The following GART variants were observed in gnomAD, a reference collection of about 807,000 sequenced individuals.
GART encodes the protein phosphoribosylglycinamide formyltransferase, phosphoribosylglycinamide synthetase, phosphoribosylaminoimidazole synthetase.
GART carries 43 observed loss-of-function variants against 107.2 expected under a neutral mutation model. The ratio of observed to expected loss-of-function variants is 0.40; its 90% CI spans 0.31 to 0.52. GART has a LOEUF of 0.52. GART is among the 20% of genes least tolerant of loss of function. The probability of loss-of-function intolerance (pLI) is 0.52; values close to 1 mark genes in which losing one functional copy is unlikely to be tolerated. For missense variants in GART, 1,107 were observed against 1,206.5 expected, an observed-to-expected ratio of 0.92 and a Z score of 1.22; for synonymous variants, 434 against 427.0, an observed-to-expected ratio of 1.02 and a Z score of -0.20.
intron 14 of GART, chr21:33,518,689 C>A: frequency 2.3e-6 from 1 of 440,246 alleles, no homozygotes; most frequent in South Asian, 1.7e-5. Context: ...TTGCCTCATT[C>A]TTAATAGCCT....
intron 11 of GART, 143 bp downstream of exon 11, chr21:33,524,626 C>A: frequency 7.0e-7 from 1 of 1,426,666 alleles, no homozygotes; most frequent in Non-Finnish European, 9.2e-7. Context: ...AGTTTTGATT[C>A]AAACAAAATA....
chr21:33,523,579 T>A (rs1392863009), intron 11 of GART, among the ~76,000 whole-genome samples: 1 of 152,188 alleles, frequency 6.6e-6, no homozygotes, highest in East Asian at 1.9e-4. Flanking sequence ...TTGGTAACAG[T>A]ATAGCTTGAA....
chr21:33,518,574 A>C (rs1038707575), intron 14 of GART: 3 of 289,940 alleles, frequency 1.0e-5, no homozygotes, highest in African/African-American at 6.6e-5. Flanking sequence ...TAGAGATCTA[A>C]ATTTTATCAG....
intron 11 of GART, 35 bp downstream of exon 11, chr21:33,524,734 A>T (rs1193953844): frequency 9.9e-6 from 16 of 1,613,458 alleles, no homozygotes; most frequent in Non-Finnish European, 1.4e-5. Context: ...CCAGTTTCTG[A>T]AATGGCACTA....
intron 16 of GART, among the ~76,000 whole-genome samples, chr21:33,513,720 G>A (rs2084830389): frequency 6.6e-6 from 1 of 152,138 alleles, no homozygotes; most frequent in African/African-American, 2.4e-5. Context: ...ATAGTTAAAA[G>A]TAAATAGCAA....
chr21:33,522,512 A>T (rs2084991672), intron 11 of GART, among the ~76,000 whole-genome samples: 1 of 152,230 alleles, frequency 6.6e-6, no homozygotes, highest in Non-Finnish European at 1.5e-5. Flanking sequence ...TGACTTGATT[A>T]CATCATCCCT....
At chr21:33,517,255 G>A in intron 15 of GART, 102 bp downstream of exon 15, 1 of 1,563,520 alleles carries the variant, frequency 6.4e-7, no homozygotes, top group Non-Finnish European at 8.7e-7. Flanking sequence ...AGCAAACCAA[G>A]GTAATTCATT....
At position 33,531,222 on chromosome 21, in the gene GART, A is replaced by C; in HGVS notation, c.597+267T>G. 6.9e-6 allele frequency: 3 copies of C among 432,772 alleles called. No individual in the cohort carries two copies. In the Admixed American group the frequency reaches 1.2e-4, roughly 17 times the overall value. The allele number at this position is 432,772 out of a possible 1,614,324, so 26.8% of individuals were successfully genotyped here. ...TATTGTGCAATAAACTGTATATGAA[A>C]GAAAAAGCATGAATGCTTGAATTAA... On this transcript the variant is annotated intron_variant, in intron 6 of 21. Coordinates refer to ENST00000381815, the MANE Select transcript of GART (RefSeq NM_000819.5).
In GART at chr21:33,535,319, G is replaced by T; in HGVS notation, c.147C>A (p.Ala49=). Residue 49 remains alanine, a splice_region_variant and synonymous_variant, in exon 3 of 22, where the codon GCC becomes GCA. Transcript: ENST00000381815. ...GGGCAGTGTGGTCACTGATTGAGAT[G>T]GCTGTAAACAGAAAAAAAAAAAAAA... is the stretch of plus-strand genomic sequence containing the variant. ...TACSEKISNT[A]ISISDHTALA... is the part of the protein sequence containing the mutation. 1.5e-6 allele frequency: 2 copies of T among 1,299,178 alleles called. No individual in the cohort carries two copies. The highest frequency in any genetic ancestry group is 2.1e-6 in the Non-Finnish European group (2 of 952,616). 80.5% of individuals were successfully genotyped at this position (1,299,178 alleles called of 1,614,324 possible).
intron 14 of GART, chr21:33,518,959 C>A: frequency 2.4e-6 from 1 of 415,676 alleles, no homozygotes; most frequent in South Asian, 1.9e-5. Flanking sequence ...GATCTCTGGT[C>A]TTCATTTGTA....
rs527893106 is a variant in GART at position 33,516,458 on chromosome 21, TCA to T, written c.2107+529_2107+530del. Reference sequence around the variant, plus strand: ...TCTTCAGCATGACTTCAACTTCTGCTCACAGTCACCTTGGAATAAACACACTG... The same window carrying T: ...TCTTCAGCATGACTTCAACTTCTGCTCAGTCACCTTGGAATAAACACACTG... On this transcript the variant is annotated intron_variant, in intron 16 of 21. Transcript: ENST00000381815. 7.4e-4 allele frequency among the ~76,000 whole-genome samples: 113 copies of T among 152,294 alleles called. 1 individual carries two copies. The South Asian group carries it at 0.017, about 23-fold the overall frequency.
chr21:33,509,724 G>A (rs775566209), intron 18 of GART, 59 bp downstream of exon 18: 21 of 1,563,490 alleles, frequency 1.3e-5, no homozygotes, highest in East Asian at 2.2e-5. Context: ...TCACAAGAGT[G>A]CGGGGAGGAA....
intron 10 of GART, among the ~76,000 whole-genome samples, chr21:33,525,437 GTCT>G (rs1308125185): frequency 1.3e-4 from 20 of 152,056 alleles, no homozygotes; most frequent in Non-Finnish European, 2.1e-4. Context: ...TATCAGACAG[GTCT>G]TCTTTTATTT....
chr21:33,534,799 G>A, intron 3 of GART, 46 bp from the exon 4 acceptor site: 1 of 1,493,232 alleles, frequency 6.7e-7, no homozygotes, highest in Non-Finnish European at 8.9e-7. Context: ...GTCTCCCCAG[G>A]GGCTTTTCAG....
chr21:33,509,157 G>T (rs1390703361), intron 18 of GART: 2 of 152,222 alleles, frequency 1.3e-5, no homozygotes, highest in Non-Finnish European at 2.9e-5. Context: ...TAATAAGGCG[G>T]AAGGATTGCT....
In GART at chr21:33,511,286, G is replaced by C. The variant is rs2084780444; in HGVS notation, c.2280C>G (p.Ala760=). 6.2e-7 allele frequency: 1 copy of C among 1,614,038 alleles called. No individual in the cohort carries two copies. Among genetic ancestry groups the C allele is most frequent in the African/African-American group, 1.3e-5 (1 of 74,912 alleles). ...GTGCAACCACACTGCCAATCACCCA[G>C]GCTTCTTCCTTGTGCTGCTGGATAT... The part of the protein sequence containing the change: ...LRDIQQHKEE[A]WVIGSVVARA... Residue 760 remains alanine, a synonymous_variant, in exon 17 of 22, where the codon GCC becomes GCG. Coordinates refer to ENST00000381815, the MANE Select transcript of GART (RefSeq NM_000819.5).
At position 33,517,567 on chromosome 21, in the gene GART, C is replaced by T. The variant is rs750734009; in HGVS notation, c.1744G>A (p.Glu582Lys). Residue 582 changes from glutamate to lysine, a missense_variant, in exon 15 of 22, where the codon GAG (glutamate) becomes AAG (lysine). Glu to Lys is a moderately conservative substitution (Grantham distance 56). Coordinates refer to ENST00000381815, the MANE Select transcript of GART (RefSeq NM_000819.5). ...AEMPDMYPPG[E>K]YDLAGFAVGA... ...ACGGCAAACCCAGCTAGGTCATACTCTCCAGGGGGATACATGTCAGGCATT... is the reference window on the plus strand; with the variant it reads ...ACGGCAAACCCAGCTAGGTCATACTTTCCAGGGGGATACATGTCAGGCATT... 6.2e-7 allele frequency: 1 copy of T among 1,614,246 alleles called. No individual in the cohort carries two copies. The highest frequency in any genetic ancestry group is 8.5e-7 in the Non-Finnish European group (1 of 1,180,042).
chr21:33,516,073 C>T (rs2084872364), intron 16 of GART, among the ~76,000 whole-genome samples: 2 of 151,680 alleles, frequency 1.3e-5, no homozygotes, highest in Admixed American at 1.3e-4. Context: ...CAAGGTGAAA[C>T]CCTGTCTCTA....
intron 7 of GART, among the ~76,000 whole-genome samples, chr21:33,529,184 GA>G (rs1555893585): frequency 6.6e-6 from 1 of 152,040 alleles, no homozygotes; most frequent in Non-Finnish European, 1.5e-5. Context: ...ATAACTTCCC[GA>G]AACGTAATAG....
Sources: gnomAD v4.1 joint callset for allele counts (sites outside exome capture counted in the v4.1 genomes callset) on GRCh38, gnomAD v4.1.1 for gene constraint, MANE v1.5 for transcripts, NCBI Gene and HGNC (gene_info 2026-07-23, HGNC 2026-07-21) for gene names.